PCDH11X: variants seen among roughly 807,000 people sequenced by gnomAD.
The protein encoded by PCDH11X is protocadherin 11 X-linked.
PCDH11X carries 18 observed loss-of-function variants against 53.3 expected under a neutral mutation model. The ratio of observed to expected loss-of-function variants is 0.34; its 90% CI spans 0.23 to 0.50. The LOEUF is 0.50. Ranked by LOEUF, PCDH11X falls within the 20% of genes least tolerant of loss-of-function variation. PCDH11X has a pLI of 0.98. For synonymous variants in PCDH11X, 279 were observed against 393.3 expected (o/e 0.71, Z 3.44); for missense variants, 570 against 1,032.4 (o/e 0.55, Z 6.14).
intron 6 of PCDH11X, among the ~76,000 whole-genome samples, chrX:92,048,692 A>G (rs2063327278): frequency 9.0e-6 from 1 of 111,012 alleles, no homozygotes; most frequent in Middle Eastern, 4.7e-3. Context: ...TTGGTAGCTC[A>G]TGATTTCTCA....
At position 92,037,900 on chromosome X, in the gene PCDH11X, G is replaced by GT. The variant is rs796494289; in HGVS notation, c.3033+158643dup. On this transcript the variant is annotated intron_variant, in intron 6 of 10. Transcript: ENST00000682573. ...CCCTTTTTGATGGGGTTATTTGTGG[G>GT]TTTTTTTTTTTTTTTTCGTAACTGT... Among the ~76,000 whole-genome samples, 676 of 88,533 alleles carry GT rather than the reference G, an allele frequency of 7.6e-3. 1 individual carries two copies. Among genetic ancestry groups the GT allele is most frequent in the East Asian group, 0.015 (43 of 2,797 alleles). The allele number at this position is 88,533 out of a possible 115,157, so 76.9% of individuals were successfully genotyped here. A position where few individuals can be genotyped will look rare whatever the true frequency, so the allele number is the denominator to read the frequency against.
intron 10 of PCDH11X, among the ~76,000 whole-genome samples, chrX:92,559,925 A>G (rs1225262420): frequency 9.0e-6 from 1 of 111,373 alleles, no homozygotes; most frequent in Admixed American, 9.6e-5. Context: ...GGCTGGGCTT[A>G]GAGTCAGTGA....
chrX:92,519,694 T>C (rs1306043302), intron 10 of PCDH11X, among the ~76,000 whole-genome samples: 1 of 105,962 alleles, frequency 9.4e-6, no homozygotes, highest in Admixed American at 1.0e-4. Flanking sequence ...CTCAGTACAG[T>C]CAAATAGTAT....
At chrX:92,134,192 AGAGGGATGACTTT>A (rs1379540345) in intron 6 of PCDH11X, among the ~76,000 whole-genome samples, 1 of 111,801 alleles carries the variant, frequency 8.9e-6, no homozygotes, top group Non-Finnish European at 1.9e-5. Context: ...TCACATGAGC[AGAGGGATGACTTT>A]GAGTTCTGCC....
chrX:91,987,649 A>C (rs2062247576), intron 6 of PCDH11X, among the ~76,000 whole-genome samples: 1 of 111,523 alleles, frequency 9.0e-6, no homozygotes, highest in South Asian at 3.7e-4. Flanking sequence ...TAATTTGCCT[A>C]TAATAAATGT....
In PCDH11X at chrX:91,804,716, A is replaced by C. The variant is rs748462602; in HGVS notation, c.-378-4750A>C. Reference sequence around the variant, plus strand: ...AACCATTAGATATTTATGTAATTTAAGTATGAAAGTTTAAAAATGGTTCAT... The same window carrying C: ...AACCATTAGATATTTATGTAATTTACGTATGAAAGTTTAAAAATGGTTCAT... On this transcript the variant is annotated intron_variant, in intron 1 of 10. Coordinates refer to ENST00000682573, the MANE Select transcript of PCDH11X (RefSeq NM_032968.5). 2.6e-4 allele frequency among the ~76,000 whole-genome samples: 29 copies of C among 111,220 alleles called. No homozygotes were observed. In the East Asian group the frequency reaches 8.0e-3, roughly 31 times the overall value.
intron 10 of PCDH11X, among the ~76,000 whole-genome samples, chrX:92,510,908 A>C (rs907094630): frequency 1.8e-5 from 2 of 111,969 alleles, no homozygotes; most frequent in Non-Finnish European, 3.8e-5. Context: ...CAGACTTTCA[A>C]TTATCTCAAG....
chrX:92,082,678 T>G (rs2063880862), intron 6 of PCDH11X, among the ~76,000 whole-genome samples: 1 of 110,181 alleles, frequency 9.1e-6, no homozygotes, highest in Non-Finnish European at 1.9e-5. Context: ...TATTCTTATT[T>G]AAAACTTAAA....
chrX:92,134,532 G>T (rs1009186822), intron 6 of PCDH11X, among the ~76,000 whole-genome samples: 1 of 111,120 alleles, frequency 9.0e-6, no homozygotes. Flanking sequence ...AACCGAAAAG[G>T]GGTCTCGATC....
intron 6 of PCDH11X, among the ~76,000 whole-genome samples, chrX:91,995,881 G>A (rs1365899612): frequency 2.0e-5 from 2 of 99,183 alleles, no homozygotes; most frequent in Non-Finnish European, 4.0e-5. Context: ...GCCGAGTCTC[G>A]CTCTGTCATC....
chrX:92,580,414 G>A (rs928894146), intron 10 of PCDH11X, among the ~76,000 whole-genome samples: 1 of 103,137 alleles, frequency 9.7e-6, no homozygotes, highest in African/African-American at 3.8e-5. Context: ...GGATATCAGA[G>A]TTCTATCTGT....
intron 6 of PCDH11X, chrX:92,114,594 G>A (rs2064597321): frequency 2.5e-6 from 1 of 396,837 alleles, no homozygotes. Context: ...CTTTCCTAAA[G>A]GCAAAGATCA....
chrX:91,975,979 T>A (rs904474346), intron 6 of PCDH11X, among the ~76,000 whole-genome samples: 5 of 111,661 alleles, frequency 4.5e-5, no homozygotes, highest in Admixed American at 2.9e-4. Flanking sequence ...GGGAGATATG[T>A]ACTCTCTTAT....
intron 6 of PCDH11X, among the ~76,000 whole-genome samples, chrX:92,134,106 C>T (rs1238600719): frequency 1.8e-5 from 2 of 111,137 alleles, no homozygotes; most frequent in Non-Finnish European, 3.8e-5. Context: ...GCACAATTTA[C>T]AGGAATAATC....
chrX:92,185,702 G>A (rs756474157), intron 6 of PCDH11X, among the ~76,000 whole-genome samples: 1 of 110,800 alleles, frequency 9.0e-6, no homozygotes, highest in South Asian at 3.8e-4. Context: ...CAAGTGATTT[G>A]GGAAATGACA....
At chrX:91,929,023 A>T in intron 6 of PCDH11X, among the ~76,000 whole-genome samples, 1 of 110,987 alleles carries the variant, frequency 9.0e-6, no homozygotes, top group Non-Finnish European at 1.9e-5. Flanking sequence ...GTAATATTTT[A>T]GAGACCTTAA....
intron 6 of PCDH11X, among the ~76,000 whole-genome samples, chrX:92,131,785 G>A (rs956064032): frequency 1.7e-4 from 19 of 110,043 alleles, no homozygotes; most frequent in Middle Eastern, 4.7e-3. Flanking sequence ...GCTAAATCAC[G>A]GAGGTTTGGG....
rs993811926 is a variant in PCDH11X at position 92,181,501 on chromosome X, A to G, written c.3034-19874A>G. 3.6e-5 allele frequency among the ~76,000 whole-genome samples: 4 copies of G among 111,866 alleles called. No individual in the cohort carries two copies. The South Asian group carries it at 1.5e-3, about 42-fold the overall frequency. ...AATGAGGAGCCAAATGTTAATCCCC[A>G]AGACAGTGGGGAAAATGTCTCCAGG... is the stretch of plus-strand genomic sequence containing the variant. On this transcript the variant is annotated intron_variant, in intron 6 of 10. Coordinates refer to ENST00000682573, the MANE Select transcript of PCDH11X (RefSeq NM_032968.5).
rs1180678297 is a variant in PCDH11X, at chrX:92,506,216, CTTTTTT to C, written c.3367+37911_3367+37916del. Among the ~76,000 whole-genome samples, 14 of 40,205 alleles carry C rather than the reference CTTTTTT, an allele frequency of 3.5e-4. No individual in the cohort carries two copies. The East Asian group carries it at 7.5e-3, about 22-fold the overall frequency. The allele number at this position is 40,205 out of a possible 115,157, so 34.9% of individuals were successfully genotyped here. A position where few individuals can be genotyped will look rare whatever the true frequency, so the allele number is the denominator to read the frequency against. ...ATTTGGATACATTTTCTTTTCTTTTCTTTTTTTTTTTTTTTTTTTTTTGCCTGATTG... is the reference window on the plus strand; with the variant it reads ...ATTTGGATACATTTTCTTTTCTTTTCTTTTTTTTTTTTTTTTGCCTGATTG... On this transcript the variant is annotated intron_variant, in intron 10 of 10. Coordinates refer to ENST00000682573, the MANE Select transcript of PCDH11X (RefSeq NM_032968.5).
Sources: allele counts gnomAD v4.1 joint callset (sites outside exome capture counted in the v4.1 genomes callset), GRCh38; gene constraint gnomAD v4.1.1; transcripts MANE v1.5; gene names NCBI Gene and HGNC (gene_info 2026-07-23, HGNC 2026-07-21).